ANTXR1: variants seen among roughly 807,000 people sequenced by gnomAD.
ANTXR1 encodes anthrax toxin receptor 1.
Under a neutral mutation model 78.1 loss-of-function variants are expected in ANTXR1, and 19 were observed. The ratio of observed to expected loss-of-function variants is 0.24; its 90% CI spans 0.17 to 0.36. The LOEUF is 0.36. Among genes scored for constraint, ANTXR1 ranks in the 10% least tolerant of loss-of-function variants. ANTXR1 has a pLI of 1.00. For synonymous variants in ANTXR1, 273 were observed against 260.5 expected (o/e 1.05, Z -0.46); for missense variants, 518 against 718.6 (o/e 0.72, Z 3.19).
intron 9 of ANTXR1, among the ~76,000 whole-genome samples, chr2:69,098,096 G>A (rs77418984): frequency 0.042 from 6,335 of 152,236 alleles, 442 homozygotes; most frequent in African/African-American, 0.14. Context: ...AGGTAGGGAG[G>A]GCTGGGAGGA....
intron 8 of ANTXR1, among the ~76,000 whole-genome samples, chr2:69,088,552 G>A (rs1297397250): frequency 6.6e-6 from 1 of 152,116 alleles, no homozygotes; most frequent in Non-Finnish European, 1.5e-5. Flanking sequence ...GTCAAAGGGG[G>A]TGGCTTCCTC....
Position 69,206,263 on chromosome 2 carries a change from CTGACT to C in ANTXR1, c.1434+12850_1434+12854del, listed in dbSNP as rs372913328. ...CCTATGTTTCAAGGACTCTGTGGCC[CTGACT>C]TAAGTACAAGCTTTAAATGGGAATA... is the stretch of plus-strand genomic sequence containing the variant. On this transcript the variant is annotated intron_variant, in intron 17 of 17. Coordinates refer to ENST00000303714, the MANE Select transcript of ANTXR1 (RefSeq NM_032208.3). 3.1e-3 allele frequency among the ~76,000 whole-genome samples: 476 copies of C among 152,320 alleles called. 3 individuals are homozygous for C. The highest frequency in any genetic ancestry group is 0.011 in the African/African-American group (456 of 41,568).
At chr2:69,147,699 C>T (rs868445878) in intron 12 of ANTXR1, among the ~76,000 whole-genome samples, 2 of 152,154 alleles carry the variant, frequency 1.3e-5, no homozygotes, top group African/African-American at 4.8e-5. Flanking sequence ...AAAATTAGAC[C>T]ACATGGATTC....
At chr2:69,087,130 C>T (rs1270843134) in intron 8 of ANTXR1, among the ~76,000 whole-genome samples, 1 of 152,198 alleles carries the variant, frequency 6.6e-6, no homozygotes, top group African/African-American at 2.4e-5. Context: ...TCCGAGTCCA[C>T]ATGGCCAGTA....
At chr2:69,200,622 T>C (rs945478784) in intron 17 of ANTXR1, among the ~76,000 whole-genome samples, 1 of 152,200 alleles carries the variant, frequency 6.6e-6, no homozygotes, top group African/African-American at 2.4e-5. Flanking sequence ...ACTGCCAATT[T>C]CTAAGGCCTG....
In ANTXR1 at chr2:69,221,840, A is replaced by G. The variant is rs1346831018; in HGVS notation, c.1435-23385A>G. On this transcript the variant is annotated intron_variant, in intron 17 of 17. Transcript: ENST00000303714. The stretch of plus-strand genomic sequence containing the variant: ...CAGGATTTTCTCTTCTCTTTTTTCC[A>G]TAGAGTTTTTAGTGCCTTTAATTGC... Among the ~76,000 whole-genome samples the G allele has an allele frequency of 4.6e-5, 7 of 152,270 alleles. No homozygotes were observed. The South Asian group carries it at 1.2e-3, about 27-fold the overall frequency.
chr2:69,241,732 A>T (rs1367530137), intron 17 of ANTXR1, among the ~76,000 whole-genome samples: 2 of 152,166 alleles, frequency 1.3e-5, no homozygotes, highest in Non-Finnish European at 2.9e-5. Context: ...CTAAACTAGG[A>T]GTTGGAACAC....
chr2:69,101,017 G>A (rs1257717561), intron 9 of ANTXR1, among the ~76,000 whole-genome samples: 2 of 152,124 alleles, frequency 1.3e-5, no homozygotes, highest in African/African-American at 4.8e-5. Flanking sequence ...CAGTTTTTCT[G>A]CTTTACTAAT....
intron 8 of ANTXR1, 192 bp from the exon 9 acceptor site, chr2:69,090,667 C>A: frequency 1.6e-6 from 1 of 630,830 alleles, no homozygotes; most frequent in Non-Finnish European, 2.9e-6. Flanking sequence ...TACCCAACAG[C>A]ATCTAGCACA....
Position 69,245,776 on chromosome 2 carries a change from G to T in ANTXR1, c.*291G>T. Reference sequence around the variant, plus strand: ...TGCAAGATGCTCTCAACAGGATTATGTCTCATGGAGACCAGTAAGAAAATC... The same window carrying T: ...TGCAAGATGCTCTCAACAGGATTATTTCTCATGGAGACCAGTAAGAAAATC... On this transcript the variant is annotated 3_prime_UTR_variant, in exon 18 of 18. Coordinates refer to ENST00000303714, the MANE Select transcript of ANTXR1 (RefSeq NM_032208.3). 1 of 356,442 alleles carries T rather than the reference G, an allele frequency of 2.8e-6. No individual in the cohort carries two copies. Among genetic ancestry groups the T allele is most frequent in the Non-Finnish European group, 5.1e-6 (1 of 196,992 alleles). 22.1% of individuals were successfully genotyped at this position (356,442 alleles called of 1,614,324 possible).
Position 69,056,975 on chromosome 2 carries a change from A to G in ANTXR1, c.296+12162A>G, listed in dbSNP as rs779874171. 4.6e-5 allele frequency among the ~76,000 whole-genome samples: 7 copies of G among 152,104 alleles called. 1 individual carries two copies. The South Asian group carries it at 1.2e-3, about 27-fold the overall frequency. On this transcript the variant is annotated intron_variant, in intron 3 of 17. Transcript: ENST00000303714. ...ATTATAGGCATGAGCCACCACAACC[A>G]GCCGAAACTTTATTTTTTAAATGGT...
intron 1 of ANTXR1, among the ~76,000 whole-genome samples, chr2:69,036,630 A>C (rs993326505): frequency 6.6e-6 from 1 of 152,220 alleles, no homozygotes; most frequent in Non-Finnish European, 1.5e-5. Context: ...CTCAGTAACC[A>C]GAATTTCAAA....
chr2:69,033,219 G>A (rs1671582297), intron 1 of ANTXR1, among the ~76,000 whole-genome samples: 1 of 152,200 alleles, frequency 6.6e-6, no homozygotes, highest in Non-Finnish European at 1.5e-5. Context: ...GTTTGGGTCT[G>A]TATTGATGTC....
At chr2:69,028,959 G>C (rs976868272) in intron 1 of ANTXR1, among the ~76,000 whole-genome samples, 5 of 152,094 alleles carry the variant, frequency 3.3e-5, no homozygotes, top group Non-Finnish European at 7.4e-5. Flanking sequence ...GCTCTCACCT[G>C]TAATCCCAGC....
intron 1 of ANTXR1, among the ~76,000 whole-genome samples, chr2:69,017,583 T>C (rs1276964837): frequency 6.6e-6 from 1 of 152,212 alleles, no homozygotes; most frequent in Non-Finnish European, 1.5e-5. Flanking sequence ...AAAGACTTCA[T>C]AATGATAACC....
At chr2:69,136,239 C>A (rs900843443) in intron 12 of ANTXR1, among the ~76,000 whole-genome samples, 2 of 152,112 alleles carry the variant, frequency 1.3e-5, no homozygotes, top group African/African-American at 4.8e-5. Flanking sequence ...TTTCCACTGC[C>A]CACCCCCATT....
chr2:69,104,760 G>A lies in ANTXR1; in HGVS notation c.802+1820G>A, dbSNP rs183913991. 3.2e-4 allele frequency among the ~76,000 whole-genome samples: 49 copies of A among 152,238 alleles called. No homozygotes were observed. The East Asian group carries it at 6.0e-3, about 19-fold the overall frequency. ...AGAGAGAGAATCTACCCTATGTGCC[G>A]TTGCTCAAAGGTTACACAAGATGCT... On this transcript the variant is annotated intron_variant, in intron 10 of 17. Coordinates refer to ENST00000303714, the MANE Select transcript of ANTXR1 (RefSeq NM_032208.3).
In ANTXR1 at chr2:69,165,656, C is replaced by T. The variant is rs577757682; in HGVS notation, c.1048-4592C>T. Among the ~76,000 whole-genome samples the T allele has an allele frequency of 3.3e-5, 5 of 152,366 alleles. No homozygotes were observed. The South Asian group carries it at 1.0e-3, about 32-fold the overall frequency. ...CTGCTAAAGCAGCATGTGGGCCTGA[C>T]TCGCGGCTTCAAACGGAACGTCTAG... On this transcript the variant is annotated intron_variant, in intron 13 of 17. Transcript: ENST00000303714.
intron 12 of ANTXR1, among the ~76,000 whole-genome samples, chr2:69,128,300 T>A (rs1056234072): frequency 2.6e-5 from 4 of 152,124 alleles, no homozygotes; most frequent in African/African-American, 9.7e-5. Flanking sequence ...TAATAAAAAA[T>A]TTATATCAGT....
Sources: gnomAD v4.1 joint callset for allele counts (sites outside exome capture counted in the v4.1 genomes callset) on GRCh38, gnomAD v4.1.1 for gene constraint, MANE v1.5 for transcripts, NCBI Gene and HGNC (gene_info 2026-07-23, HGNC 2026-07-21) for gene names.